ABL2: variants seen among roughly 807,000 people sequenced by gnomAD.
ABL2 encodes the protein tyrosine-protein kinase ABL2.
In ABL2, 49 loss-of-function variants were observed where a neutral mutation model predicts 107.7. The observed-to-expected ratio is 0.45, with a 90% CI of 0.36 to 0.58. The LOEUF is 0.58. Among genes scored for constraint, ABL2 ranks in the 20% least tolerant of loss-of-function variants. The probability of loss-of-function intolerance (pLI) is 0.00; values close to 1 mark genes in which losing one functional copy is unlikely to be tolerated. For missense variants in ABL2, 1,245 were observed against 1,457.0 expected, an observed-to-expected ratio of 0.85 and a Z score of 2.37; for synonymous variants, 549 against 548.6, an observed-to-expected ratio of 1.00 and a Z score of -0.01.
At chr1:179,215,365 T>C (rs540227574) in intron 1 of ABL2, among the ~76,000 whole-genome samples, 1 of 152,318 alleles carries the variant, frequency 6.6e-6, no homozygotes, top group African/African-American at 2.4e-5. Context: ...CAAAGGGGAC[T>C]TTCATGTCTA....
chr1:179,157,678 A>C (rs1658787293), intron 1 of ABL2, among the ~76,000 whole-genome samples: 1 of 151,924 alleles, frequency 6.6e-6, no homozygotes, highest in Non-Finnish European at 1.5e-5. Context: ...AAGGCCCTTT[A>C]AAGTTATCCA....
chr1:179,115,364 A>C lies in ABL2; in HGVS notation c.1409-334T>G, dbSNP rs549174622. 5.3e-4 allele frequency among the ~76,000 whole-genome samples: 81 copies of C among 152,332 alleles called. No individual in the cohort carries two copies. The Middle Eastern group carries it at 0.01, about 19-fold the overall frequency. Reference sequence around the variant, plus strand: ...CTTAGAAAAGTTTTTGATATACAGTAGTCACCCCTTATCCATGGTTTCACT... The same window carrying C: ...CTTAGAAAAGTTTTTGATATACAGTCGTCACCCCTTATCCATGGTTTCACT... On this transcript the variant is annotated intron_variant, in intron 8 of 11. Transcript: ENST00000502732.
chr1:179,118,565 G>T (rs779351316), intron 7 of ABL2, 22 bp downstream of exon 7: 1 of 1,598,092 alleles, frequency 6.3e-7, no homozygotes, highest in African/African-American at 1.3e-5. Context: ...TTCATGGTTG[G>T]TCAGAGGTAA....
rs577516981 is a variant in ABL2 at position 179,108,603 on chromosome 1, G to T, written c.2664C>A (p.Pro888=). The change falls in exon 12 of 12, where the codon CCC becomes CCA. Residue 888 remains proline, a synonymous_variant. Transcript: ENST00000502732. ...GVGVAGVAAA[P]KGKEKNGGAR... is the part of the protein sequence containing the mutation. ...CCCCACCATTCTTCTCTTTACCCTT[G>T]GGGGCAGCTGCCACTCCAGCCACTC... 2 of 1,614,054 alleles carry T rather than the reference G, an allele frequency of 1.2e-6. No homozygotes were observed. Among genetic ancestry groups the T allele is most frequent in the African/African-American group, 1.3e-5 (1 of 75,024 alleles).
At chr1:179,206,060 C>T (rs1661954178) in intron 1 of ABL2, among the ~76,000 whole-genome samples, 1 of 152,054 alleles carries the variant, frequency 6.6e-6, no homozygotes, top group Admixed American at 6.6e-5. Context: ...ATAACATGCC[C>T]AAGGTCACAC....
At chr1:179,117,184 G>T in intron 8 of ABL2, 148 bp downstream of exon 8, 1 of 801,500 alleles carries the variant, frequency 1.2e-6, no homozygotes, top group Non-Finnish European at 2.0e-6. Context: ...CAGATAGGAG[G>T]TATTTAACAA....
At chr1:179,114,511 C>T (rs1654427631) in intron 9 of ABL2, among the ~76,000 whole-genome samples, 1 of 122,608 alleles carries the variant, frequency 8.2e-6, no homozygotes, top group Non-Finnish European at 1.7e-5. Context: ...TGCAAGCAAT[C>T]GGATGCTTCT....
At position 179,101,802 on chromosome 1, in the gene ABL2, G is replaced by C. The variant is rs76656490; in HGVS notation, c.*5916C>G. 7.8e-3 allele frequency: 1,486 copies of C among 189,356 alleles called. 50 individuals carry two copies. Among genetic ancestry groups the C allele is most frequent in the Admixed American group, 0.056 (901 of 16,172 alleles). 11.7% of individuals were successfully genotyped at this position (189,356 alleles called of 1,614,324 possible). On this transcript the variant is annotated 3_prime_UTR_variant, in exon 12 of 12. Coordinates refer to ENST00000502732, the MANE Select transcript of ABL2 (RefSeq NM_007314.4). The stretch of plus-strand genomic sequence containing the variant: ...ACAGGCTGGACTGAGTCATGGGGGT[G>C]AGTGCTCCAGAGTAGGCTGTAGCTT...
At position 179,147,181 on chromosome 1, in the gene ABL2, C is replaced by CAAAAAAAAAAAAAAAAAAA. The variant is rs58297805; in HGVS notation, c.158-13826_158-13808dup. 6.5e-4 allele frequency among the ~76,000 whole-genome samples: 33 copies of CAAAAAAAAAAAAAAAAAAA among 50,536 alleles called. 6 individuals are homozygous for CAAAAAAAAAAAAAAAAAAA. Among genetic ancestry groups the CAAAAAAAAAAAAAAAAAAA allele is most frequent in the African/African-American group, 1.6e-3 (21 of 13,244 alleles). The allele number at this position is 50,536 out of a possible 152,430, so 33.2% of individuals were successfully genotyped here. Reference sequence around the variant, plus strand: ...CCAATCACTAATCATCAGAGAAATGCAAAAAAAAAAAAAAAAAAAAAAAAA... The same window carrying CAAAAAAAAAAAAAAAAAAA: ...CCAATCACTAATCATCAGAGAAATGCAAAAAAAAAAAAAAAAAAAAAAAAAAAAAAAAAAAAAAAAAAAA... On this transcript the variant is annotated intron_variant, in intron 1 of 11. Coordinates refer to ENST00000502732, the MANE Select transcript of ABL2 (RefSeq NM_007314.4).
chr1:179,174,711 T>A (rs954844512), intron 1 of ABL2, among the ~76,000 whole-genome samples: 1 of 151,250 alleles, frequency 6.6e-6, no homozygotes, highest in Admixed American at 6.6e-5. Flanking sequence ...CTTTGGGAGG[T>A]TGAGGTGGGC....
chr1:179,130,509 T>C (rs1360692019), intron 3 of ABL2, among the ~76,000 whole-genome samples: 2 of 152,252 alleles, frequency 1.3e-5, no homozygotes, highest in Non-Finnish European at 2.9e-5. Flanking sequence ...CATAAGCATC[T>C]TACCTTGTTG....
At chr1:179,128,328 C>A (rs1325169593) in intron 3 of ABL2, among the ~76,000 whole-genome samples, 2 of 151,446 alleles carry the variant, frequency 1.3e-5, no homozygotes, top group African/African-American at 2.4e-5. Context: ...ACTTGCCAAT[C>A]ATATTTACAG....
At chr1:179,161,356 GAAAAAA>G (rs58594632) in intron 1 of ABL2, among the ~76,000 whole-genome samples, 9 of 123,364 alleles carry the variant, frequency 7.3e-5, no homozygotes, top group Non-Finnish European at 1.6e-4. Context: ...TACCTCAAAA[GAAAAAA>G]AAAAAAAAGG....
At chr1:179,176,702 C>CTTTTTTTTTTTTTT (rs35138436) in intron 1 of ABL2, among the ~76,000 whole-genome samples, 48,020 of 105,588 alleles carry the variant, frequency 0.45, 12,162 homozygotes, top group Middle Eastern at 0.49. Flanking sequence ...GTTACATATT[C>CTTTTTTTTTTTTTT]TTTTTTTTTT....
At chr1:179,139,838 G>A (rs759948521) in intron 1 of ABL2, among the ~76,000 whole-genome samples, 11 of 152,152 alleles carry the variant, frequency 7.2e-5, no homozygotes, top group Non-Finnish European at 1.6e-4. Context: ...AAGGGATCTA[G>A]GTTGAATGCT....
intron 1 of ABL2, among the ~76,000 whole-genome samples, chr1:179,219,594 C>T (rs913350470): frequency 1.3e-5 from 2 of 152,254 alleles, no homozygotes; most frequent in Non-Finnish European, 2.9e-5. Flanking sequence ...AAGAACCAGG[C>T]ACTACATATA....
At chr1:179,113,413 C>T (rs1254964751) in intron 9 of ABL2, among the ~76,000 whole-genome samples, 1 of 152,152 alleles carries the variant, frequency 6.6e-6, no homozygotes, top group Non-Finnish European at 1.5e-5. Context: ...AAAAGGATAT[C>T]AAAAAGGAGG....
intron 1 of ABL2, among the ~76,000 whole-genome samples, chr1:179,197,368 T>C (rs1175868681): frequency 6.6e-6 from 1 of 151,750 alleles, no homozygotes; most frequent in Non-Finnish European, 1.5e-5. Flanking sequence ...TAATAAAAAA[T>C]ATATATTGAA....
chr1:179,141,115 CAAAAAA>C (rs34158477), intron 1 of ABL2, among the ~76,000 whole-genome samples: 9 of 62,922 alleles, frequency 1.4e-4, no homozygotes, highest in African/African-American at 5.2e-4. Context: ...GACTCTGTCT[CAAAAAA>C]AAAAAAAAAA....
Sources: gnomAD v4.1 joint callset for allele counts (sites outside exome capture counted in the v4.1 genomes callset) on GRCh38, gnomAD v4.1.1 for gene constraint, MANE v1.5 for transcripts, NCBI Gene and HGNC (gene_info 2026-07-23, HGNC 2026-07-21) for gene names.